Variants in SLC6A3 observed in about 807,000 individuals in gnomAD.
SLC6A3 encodes sodium-dependent dopamine transporter.
SLC6A3 carries 19 observed loss-of-function variants against 70.4 expected under a neutral mutation model. That is an observed-to-expected ratio of 0.27 (90% CI 0.19 to 0.40). SLC6A3 has a LOEUF of 0.40. Ranked by LOEUF, SLC6A3 falls within the 10% of genes least tolerant of loss-of-function variation. The probability of loss-of-function intolerance (pLI) is 1.00; values close to 1 mark genes in which losing one functional copy is unlikely to be tolerated. For synonymous variants in SLC6A3, 368 were observed against 356.6 expected, an observed-to-expected ratio of 1.03 and a Z score of -0.36; for missense variants, 613 against 838.5, an observed-to-expected ratio of 0.73 and a Z score of 3.32.
rs562668504 is a variant in SLC6A3 at position 1,443,851 on chromosome 5, T to G, written c.-45-609A>C. 4.6e-5 allele frequency among the ~76,000 whole-genome samples: 7 copies of G among 150,894 alleles called. No individual in the cohort carries two copies. In the East Asian group the frequency reaches 1.4e-3, roughly 29 times the overall value. ...ACCGGCTAAGTTATTTTTGTGTGTG[T>G]TTTTTTGTTGTTGTTGTTGTTTTTT... On this transcript the variant is annotated intron_variant, in intron 1 of 14. Transcript: ENST00000270349.
At chr5:1,443,875 T>TTTC (rs369598016) in intron 1 of SLC6A3, among the ~76,000 whole-genome samples, 8 of 151,790 alleles carry the variant, frequency 5.3e-5, no homozygotes, top group African/African-American at 1.9e-4. Flanking sequence ...TTGTTGTTTT[T>TTTC]TTGTAGAGAC....
intron 9 of SLC6A3, 44 bp from the exon 10 acceptor site, chr5:1,409,893 C>T (rs1756074116): frequency 6.2e-7 from 1 of 1,610,628 alleles, no homozygotes. Context: ...GGCGGCGCTC[C>T]TGACCGCAGC....
rs750896544 is a variant in SLC6A3 at position 1,414,695 on chromosome 5, C to T, written c.1152G>A (p.Lys384=). The stretch of plus-strand genomic sequence containing the variant: ...GGTGCAGCAGGAGGGGCTCACCGTC[C>T]TTGGCCACGTCCCCGATGGGCACAC... ...KHSVPIGDVA[K]DGPGLIFIIY... The change falls in exon 8 of 15, where the codon AAG becomes AAA. Residue 384 remains lysine, a synonymous_variant. Coordinates refer to ENST00000270349, the MANE Select transcript of SLC6A3 (RefSeq NM_001044.5). 4 of 1,612,332 alleles carry T rather than the reference C, an allele frequency of 2.5e-6. No individual in the cohort carries two copies. The highest frequency in any genetic ancestry group is 2.2e-5 in the South Asian group (2 of 91,092).
rs1384591188 is a variant in SLC6A3 at position 1,436,325 on chromosome 5, T to C, written c.419-3627A>G. Among the ~76,000 whole-genome samples, 1 of 152,222 alleles carries C rather than the reference T, an allele frequency of 6.6e-6. No individual in the cohort carries two copies. The highest frequency in any genetic ancestry group is 2.4e-5 in the African/African-American group (1 of 41,456). Reference sequence around the variant, plus strand: ...AGAACCTTCTAGTGATCTCTGCTCATGACATCACTGTGGGCTCCAGATGAA... The same window carrying C: ...AGAACCTTCTAGTGATCTCTGCTCACGACATCACTGTGGGCTCCAGATGAA... On this transcript the variant is annotated intron_variant, in intron 3 of 14. Transcript: ENST00000270349. This position sits in a 1 kb window ranked among gnomAD's most constrained non-coding sequence, Gnocchi z 5.2.
intron 4 of SLC6A3, among the ~76,000 whole-genome samples, chr5:1,426,978 G>T (rs1756587919): frequency 6.6e-6 from 1 of 152,162 alleles, no homozygotes; most frequent in Non-Finnish European, 1.5e-5. Context: ...CCCCAAGAAG[G>T]CAAAATACTT....
rs149862368 is a variant in SLC6A3 at position 1,405,283 on chromosome 5, C to T, written c.1599+905G>A. On this transcript the variant is annotated intron_variant, in intron 12 of 14. Transcript: ENST00000270349. The surrounding 1 kb of genome is among the most constrained non-coding windows in gnomAD (Gnocchi z 5.3). ...GCCTGTCTCTCATCTCTTTCCTGTA[C>T]CCCGGAACCCCTCTGCTGGCAACTA... Among the ~76,000 whole-genome samples, 3 of 152,208 alleles carry T rather than the reference C, an allele frequency of 2.0e-5. No individual in the cohort carries two copies. The highest frequency in any genetic ancestry group is 4.1e-4 in the South Asian group (2 of 4,832).
At chr5:1,418,892 T>C (rs150052082) in intron 6 of SLC6A3, among the ~76,000 whole-genome samples, 2,760 of 146,748 alleles carry the variant, frequency 0.019, 34 homozygotes, top group Non-Finnish European at 0.028. Flanking sequence ...TCTAGCTACC[T>C]ACCTATCATT....
intron 9 of SLC6A3, among the ~76,000 whole-genome samples, chr5:1,410,434 G>C (rs1275157264): frequency 6.6e-6 from 1 of 152,128 alleles, no homozygotes; most frequent in Admixed American, 6.5e-5. Flanking sequence ...GGATATGAGT[G>C]GGGGGCCGGG....
chr5:1,414,355 A>T (rs1329070066), intron 8 of SLC6A3, among the ~76,000 whole-genome samples: 1 of 32,038 alleles, frequency 3.1e-5, no homozygotes, highest in Non-Finnish European at 7.6e-5. Context: ...TCCCCAGCCC[A>T]GGGTGGAGGC....
chr5:1,434,257 G>C (rs970684604), intron 3 of SLC6A3, among the ~76,000 whole-genome samples: 1 of 152,204 alleles, frequency 6.6e-6, no homozygotes, highest in African/African-American at 2.4e-5. Context: ...GGCTTCCTTG[G>C]GCCACCCAGA....
chr5:1,432,397 A>C, intron 4 of SLC6A3, 67 bp downstream of exon 4: 1 of 1,244,280 alleles, frequency 8.0e-7, no homozygotes, highest in East Asian at 2.4e-5. Flanking sequence ...GTGTCCAACC[A>C]AGGGGCTACC....
In SLC6A3 at chr5:1,411,453, C is replaced by CA; in HGVS notation, c.1157-99_1157-98insT. On this transcript the variant is annotated intron_variant, in intron 8 of 14. Coordinates refer to ENST00000270349, the MANE Select transcript of SLC6A3 (RefSeq NM_001044.5). This position sits in a 1 kb window ranked among gnomAD's most constrained non-coding sequence, Gnocchi z 6.5. ...CCGAGAAGCATGGCCTGCCACAGGC[C>CA]TGTAGAGACTAGGGCTGGTGCGGCT... 3.4e-6 allele frequency: 3 copies of CA among 870,258 alleles called. No homozygotes were observed. The highest frequency in any genetic ancestry group is 5.7e-6 in the Non-Finnish European group (3 of 530,934). The allele number at this position is 870,258 out of a possible 1,614,324, so 53.9% of individuals were successfully genotyped here.
At chr5:1,409,574 C>T (rs1756064329) in intron 10 of SLC6A3, 147 bp downstream of exon 10, 27 of 919,546 alleles carry the variant, frequency 2.9e-5, no homozygotes, top group Non-Finnish European at 4.4e-5. Flanking sequence ...CTGTGCACTG[C>T]TACGAGTCAT....
Position 1,443,151 on chromosome 5 carries a change from G to A in SLC6A3, c.47C>T (p.Ala16Val). 1 of 1,614,216 alleles carries A rather than the reference G, an allele frequency of 6.2e-7. No individual in the cohort carries two copies. Among genetic ancestry groups the A allele is most frequent in the Non-Finnish European group, 8.5e-7 (1 of 1,180,040 alleles). The change falls in exon 2 of 15, where the codon GCC becomes GTC. Residue 16 changes from alanine to valine, a missense_variant. By Grantham distance (64) the Ala-to-Val change is moderately conservative. This residue lies in a region of SLC6A3 where 111 missense variants were observed against 91.6 expected (regional missense o/e 1.21). Coordinates refer to ENST00000270349, the MANE Select transcript of SLC6A3 (RefSeq NM_001044.5). ...CSVGLMSSVV[A>V]PAKEPNAVGP... ...CACGGCATTGGGCTCCTTAGCCGGGGCCACCACGGAAGACATGAGTCCCAC... is the reference window on the plus strand; with the variant it reads ...CACGGCATTGGGCTCCTTAGCCGGGACCACCACGGAAGACATGAGTCCCAC...
At chr5:1,399,684 G>A (rs1755798057) in intron 14 of SLC6A3, among the ~76,000 whole-genome samples, 1 of 152,180 alleles carries the variant, frequency 6.6e-6, no homozygotes, top group Admixed American at 6.5e-5. Flanking sequence ...GCCTGGACAC[G>A]CCTCCTGTGT....
intron 3 of SLC6A3, among the ~76,000 whole-genome samples, chr5:1,439,191 C>T (rs574211420): frequency 3.9e-5 from 6 of 152,224 alleles, no homozygotes; most frequent in African/African-American, 7.2e-5. Context: ...AGGGACCTGA[C>T]GACGGGGACG....
chr5:1,410,253 C>A (rs1026199798), intron 9 of SLC6A3, among the ~76,000 whole-genome samples: 5 of 152,190 alleles, frequency 3.3e-5, no homozygotes, highest in African/African-American at 1.2e-4. Flanking sequence ...TTGGCTACGC[C>A]TTCCCGACGG....
chr5:1,402,961 C>T lies in SLC6A3; in HGVS notation c.1728G>A (p.Ala576=), dbSNP rs769456530. The part of the protein sequence containing the change: ...TSSMAMVPIY[A]AYKFCSLPGS... Reference sequence around the variant, plus strand: ...CAGGCAGGCTGCAGAACTTGTAGGCCGCATAGATGGGCACCATGGCCATGG... The same window carrying T: ...CAGGCAGGCTGCAGAACTTGTAGGCTGCATAGATGGGCACCATGGCCATGG... The change falls in exon 13 of 15, where the codon GCG becomes GCA. Residue 576 remains alanine, a synonymous_variant. Coordinates refer to ENST00000270349, the MANE Select transcript of SLC6A3 (RefSeq NM_001044.5). This position sits in a 1 kb window ranked among gnomAD's most constrained non-coding sequence, Gnocchi z 8.5. The T allele has an allele frequency of 4.7e-5, 76 of 1,613,998 alleles. No individual in the cohort carries two copies. The highest frequency in any genetic ancestry group is 9.9e-5 in the South Asian group (9 of 91,080).
At chr5:1,443,583 C>A (rs1423618525) in intron 1 of SLC6A3, among the ~76,000 whole-genome samples, 1 of 152,272 alleles carries the variant, frequency 6.6e-6, no homozygotes, top group Non-Finnish European at 1.5e-5. Flanking sequence ...GATATCACTT[C>A]CACCTTCCCC....
Sources: allele counts gnomAD v4.1 joint callset (sites outside exome capture counted in the v4.1 genomes callset), GRCh38; gene constraint gnomAD v4.1.1; regional missense constraint gnomAD v4.1.1; non-coding constraint Gnocchi (gnomAD v3.1); transcripts MANE v1.5; gene names NCBI Gene and HGNC (gene_info 2026-07-23, HGNC 2026-07-21).